The following ING3 variants were observed in gnomAD, a reference collection of about 807,000 sequenced individuals.
ING3 encodes the protein inhibitor of growth protein 3.
A neutral mutation model predicts 64.8 loss-of-function variants in ING3; 6 were observed. The observed-to-expected ratio is 0.09, with a 90% CI of 0.05 to 0.18. The LOEUF (loss-of-function observed/expected upper bound fraction) is 0.18. Ranked by LOEUF, ING3 falls within the 10% of genes least tolerant of loss-of-function variation. ING3 has a pLI of 1.00. For synonymous variants in ING3, 170 were observed against 173.7 expected (o/e 0.98, Z 0.17); for missense variants, 310 against 489.7 (o/e 0.63, Z 3.46).
At position 120,976,811 on chromosome 7, in the gene ING3, T is replaced by C. The variant is rs1796140600; in HGVS notation, c.*1967T>C. 1 of 152,174 alleles carries C rather than the reference T, an allele frequency of 6.6e-6. No homozygotes were observed. The allele number at this position is 152,174 out of a possible 1,614,324, so 9.4% of individuals were successfully genotyped here. ...TTACCAAATCACTTAGAAAACACTT[T>C]GACAAGTTTTAAACTCAAACACTGA... On this transcript the variant is annotated 3_prime_UTR_variant, in exon 12 of 12. Coordinates refer to ENST00000315870, the MANE Select transcript of ING3 (RefSeq NM_019071.3).
At chr7:120,957,885 T>C (rs1795874436) in intron 4 of ING3, among the ~76,000 whole-genome samples, 1 of 152,210 alleles carries the variant, frequency 6.6e-6, no homozygotes, top group African/African-American at 2.4e-5. Context: ...AGTTATTTAA[T>C]CTTGAACCAC....
At position 120,951,348 on chromosome 7, in the gene ING3, G is replaced by A. The variant is rs1795762007; in HGVS notation, c.100+113G>A. The A allele has an allele frequency of 4.2e-6, 4 of 954,998 alleles. No individual in the cohort carries two copies. In the East Asian group the frequency reaches 9.7e-5, roughly 23 times the overall value. 59.2% of individuals were successfully genotyped at this position (954,998 alleles called of 1,614,324 possible). ...CACTGTCCTCTGGCTCACTCCGCTA[G>A]TGCATAAGGAGTTGTCAAAAAGAAC... On this transcript the variant is annotated intron_variant, in intron 2 of 11. Transcript: ENST00000315870.
At chr7:120,967,690 G>T (rs1264675637) in intron 7 of ING3, 42 bp downstream of exon 7, 2 of 1,546,488 alleles carry the variant, frequency 1.3e-6, no homozygotes, top group Non-Finnish European at 8.8e-7. Context: ...GTTTGTTTGT[G>T]TTAGAGTAAG....
In ING3 at chr7:120,976,402, A is replaced by G. The variant is rs892635894; in HGVS notation, c.*1558A>G. On this transcript the variant is annotated 3_prime_UTR_variant, in exon 12 of 12. Transcript: ENST00000315870. ...AGATCTCTTCCACCTTTGAGATCCC[A>G]TGATTCTGAGCTGCCACAGTCTGAT... 6.6e-6 allele frequency: 1 copy of G among 152,134 alleles called. No individual in the cohort carries two copies. The highest frequency in any genetic ancestry group is 2.4e-5 in the African/African-American group (1 of 41,438). 9.4% of individuals were successfully genotyped at this position (152,134 alleles called of 1,614,324 possible). A position where few individuals can be genotyped will look rare whatever the true frequency, so the allele number is the denominator to read the frequency against.
intron 2 of ING3, 114 bp downstream of exon 2, chr7:120,951,349 T>C: frequency 1.1e-6 from 1 of 944,888 alleles, no homozygotes. Context: ...ACTCCGCTAG[T>C]GCATAAGGAG....
chr7:120,952,760 C>T (rs1795786337), intron 2 of ING3, among the ~76,000 whole-genome samples: 1 of 144,150 alleles, frequency 6.9e-6, no homozygotes. Flanking sequence ...TTAATTTTTC[C>T]TTTTTTTTTT....
At chr7:120,962,341 C>T (rs1795944444) in intron 4 of ING3, among the ~76,000 whole-genome samples, 1 of 151,820 alleles carries the variant, frequency 6.6e-6, no homozygotes, top group South Asian at 2.1e-4. Context: ...TATAAAGATG[C>T]CTACCACAAG....
chr7:120,951,248 G>A lies in ING3; in HGVS notation c.100+13G>A, dbSNP rs1168309673. 1.1e-5 allele frequency: 17 copies of A among 1,613,436 alleles called. 1 individual carries two copies. Among genetic ancestry groups the A allele is most frequent in the Non-Finnish European group, 1.4e-5 (17 of 1,179,536 alleles). ...CTGCAGGTGCAGAGTAAGTCGGCGC[G>A]TCTACTACTCCTGTTCGCTGCGCGC... is the stretch of plus-strand genomic sequence containing the variant. On this transcript the variant is annotated intron_variant, in intron 2 of 11. Coordinates refer to ENST00000315870, the MANE Select transcript of ING3 (RefSeq NM_019071.3).
chr7:120,953,503 A>G (rs1300893336), intron 3 of ING3, 99 bp downstream of exon 3: 2 of 694,878 alleles, frequency 2.9e-6, no homozygotes, highest in Non-Finnish European at 5.0e-6. Context: ...AAATGAGAGA[A>G]TATTATCAAT....
chr7:120,956,171 A>G (rs528019607), intron 4 of ING3: 5 of 1,608,716 alleles, frequency 3.1e-6, no homozygotes, highest in Non-Finnish European at 4.2e-6. Context: ...AGCACTTCTA[A>G]AAGATTGAAA....
At position 120,956,560 on chromosome 7, in the gene ING3, A is replaced by C. The variant is rs901139080; in HGVS notation, c.267+936A>C. 146 of 1,005,550 alleles carry C rather than the reference A, an allele frequency of 1.5e-4. No individual in the cohort carries two copies. In the African/African-American group the frequency reaches 2.4e-3, roughly 16 times the overall value. 62.3% of individuals were successfully genotyped at this position (1,005,550 alleles called of 1,614,324 possible). A position where few individuals can be genotyped will look rare whatever the true frequency, so the allele number is the denominator to read the frequency against. ...ATGTCTAGTTGTTTTTATGTAGTAC[A>C]CACATTTTAATGGTGCTAACAACCT... On this transcript the variant is annotated intron_variant, in intron 4 of 11. Coordinates refer to ENST00000315870, the MANE Select transcript of ING3 (RefSeq NM_019071.3).
intron 4 of ING3, chr7:120,956,241 T>C (rs1562972748): frequency 5.7e-6 from 9 of 1,568,986 alleles, no homozygotes; most frequent in Non-Finnish European, 6.0e-6. Context: ...TGTGGTGCTC[T>C]TTTTCATTTG....
chr7:120,951,067 T>C (rs1795754749), intron 1 of ING3, 97 bp from the exon 2 acceptor site: 2 of 1,521,076 alleles, frequency 1.3e-6, no homozygotes, highest in African/African-American at 1.4e-5. Context: ...CGTTGTGGGC[T>C]GCCGGCCCCC....
At chr7:120,961,520 G>A (rs954211311) in intron 4 of ING3, among the ~76,000 whole-genome samples, 1 of 152,180 alleles carries the variant, frequency 6.6e-6, no homozygotes, top group Admixed American at 6.5e-5. Flanking sequence ...TTTTGTTTGG[G>A]TCCATTAGTG....
At chr7:120,966,776 C>A in intron 6 of ING3, 79 bp downstream of exon 6, 1 of 979,476 alleles carries the variant, frequency 1.0e-6, no homozygotes, top group Non-Finnish European at 1.6e-6. Flanking sequence ...CTTTTTTTAA[C>A]TCTACACAAC....
At chr7:120,963,153 G>A (rs148676638) in intron 4 of ING3, among the ~76,000 whole-genome samples, 18 of 152,202 alleles carry the variant, frequency 1.2e-4, no homozygotes, top group Middle Eastern at 3.4e-3. Context: ...AATAACAGAC[G>A]TCTGTGTTCA....
At chr7:120,956,232 G>T in intron 4 of ING3, 1 of 1,582,744 alleles carries the variant, frequency 6.3e-7, no homozygotes. Context: ...TGATGCAATT[G>T]TGGTGCTCTT....
At chr7:120,953,744 C>A (rs979537957) in intron 3 of ING3, among the ~76,000 whole-genome samples, 1 of 152,006 alleles carries the variant, frequency 6.6e-6, no homozygotes, top group African/African-American at 2.4e-5. Flanking sequence ...ATGAGCAGAC[C>A]TTGAAGAATA....
chr7:120,970,388 C>T (rs1338184287), intron 9 of ING3, among the ~76,000 whole-genome samples: 1 of 151,466 alleles, frequency 6.6e-6, no homozygotes, highest in Non-Finnish European at 1.5e-5. Context: ...TGGCGTGAAC[C>T]TGGGAGGTGG....
Sources: allele counts gnomAD v4.1 joint callset (sites outside exome capture counted in the v4.1 genomes callset), GRCh38; gene constraint gnomAD v4.1.1; transcripts MANE v1.5; gene names NCBI Gene and HGNC (gene_info 2026-07-23, HGNC 2026-07-21).